Variants in TMEM8B observed in about 807,000 individuals in gnomAD.
TMEM8B encodes nasopharyngeal carcinoma expressed 6.
Under a neutral mutation model 49.3 loss-of-function variants are expected in TMEM8B, and 29 were observed. The observed-to-expected ratio is 0.59, with a 90% CI of 0.44 to 0.80. The LOEUF (loss-of-function observed/expected upper bound fraction) is 0.80, where lower values mean the gene tolerates loss of function less well. Ranked by LOEUF, TMEM8B falls within the 30% of genes least tolerant of loss-of-function variation. The pLI is 0.00. For synonymous variants in TMEM8B, 264 were observed against 272.8 expected, an observed-to-expected ratio of 0.97 and a Z score of 0.32; for missense variants, 575 against 658.5, an observed-to-expected ratio of 0.87 and a Z score of 1.39.
chr9:35,834,029 A>AAT (rs756547498), intron 1 of TMEM8B, among the ~76,000 whole-genome samples: 37 of 67,848 alleles, frequency 5.5e-4, no homozygotes, highest in African/African-American at 1.6e-3. Context: ...GCCATGCCAA[A>AAT]ATACACACAC....
In TMEM8B at chr9:35,829,591, C is replaced by T; in HGVS notation, c.144C>T (p.Ala48=). 1 of 399,826 alleles carries T rather than the reference C, an allele frequency of 2.5e-6. No homozygotes were observed. The highest frequency in any genetic ancestry group is 4.4e-5 in the Admixed American group (1 of 22,756). The allele number at this position is 399,826 out of a possible 1,614,324, so 24.8% of individuals were successfully genotyped here. Residue 48 remains alanine (A), a synonymous_variant, in exon 1 of 13, where the codon GCC becomes GCT. Coordinates refer to ENST00000643932, the MANE Select transcript of TMEM8B (RefSeq NM_001042590.4). The stretch of plus-strand genomic sequence containing the variant: ...CCCCCTTCCAGTCTCTGCCCCTGGC[C>T]TGGCCCCCATCCCGGCCTCGGCCCT... ...SRTPFQSLPL[A]WPPSRPRPSF... is the part of the protein sequence containing the mutation.
At chr9:35,849,966 C>T (rs1286862446) in intron 10 of TMEM8B, among the ~76,000 whole-genome samples, 1 of 152,234 alleles carries the variant, frequency 6.6e-6, no homozygotes, top group African/African-American at 2.4e-5. Context: ...GTGCAGGTGT[C>T]CTTGCTGATT....
At chr9:35,851,293 G>A (rs1311490758) in intron 10 of TMEM8B, among the ~76,000 whole-genome samples, 2 of 137,114 alleles carry the variant, frequency 1.5e-5, no homozygotes, top group East Asian at 2.3e-4. Context: ...ATAGGCACAC[G>A]CTACCGTGCC....
chr9:35,845,778 T>C (rs1054885525), intron 6 of TMEM8B, 197 bp from the exon 7 acceptor site: 2 of 985,290 alleles, frequency 2.0e-6, no homozygotes, highest in African/African-American at 3.5e-5. Context: ...CTTGAAAGAT[T>C]TCTGCTGTGG....
chr9:35,849,451 G>A (rs1279803383), intron 10 of TMEM8B, among the ~76,000 whole-genome samples: 3 of 152,250 alleles, frequency 2.0e-5, no homozygotes, highest in African/African-American at 7.2e-5. Context: ...AATATGTGCT[G>A]TTTCAGACAC....
intron 10 of TMEM8B, among the ~76,000 whole-genome samples, chr9:35,851,356 G>T (rs986629029): frequency 6.6e-6 from 1 of 152,010 alleles, no homozygotes; most frequent in Non-Finnish European, 1.5e-5. Flanking sequence ...TGTCGCCCAG[G>T]CTGGTCTTTA....
chr9:35,850,218 T>C (rs1217513966), intron 10 of TMEM8B, among the ~76,000 whole-genome samples: 1 of 152,246 alleles, frequency 6.6e-6, no homozygotes, highest in Non-Finnish European at 1.5e-5. Flanking sequence ...TTTGGAGCAT[T>C]AGATGCACTG....
intron 10 of TMEM8B, among the ~76,000 whole-genome samples, chr9:35,850,892 A>G (rs1359405946): frequency 6.6e-6 from 1 of 152,204 alleles, no homozygotes; most frequent in Non-Finnish European, 1.5e-5. Context: ...TTAAAATAAA[A>G]TCCAAGTCAT....
At chr9:35,837,270 G>A (rs140516020) in intron 3 of TMEM8B, among the ~76,000 whole-genome samples, 1 of 152,194 alleles carries the variant, frequency 6.6e-6, no homozygotes, top group African/African-American at 2.4e-5. Context: ...TTTGTGCCAG[G>A]CCTTGGGTTG....
chr9:35,830,005 G>T, intron 1 of TMEM8B, 50 bp downstream of exon 1: 1 of 414,686 alleles, frequency 2.4e-6, no homozygotes, highest in South Asian at 1.3e-4. Flanking sequence ...TTCCGGCAGG[G>T]AGGGGTGGGC....
rs370232891 is a variant in TMEM8B at position 35,829,474 on chromosome 9, C to T, written c.27C>T (p.Leu9=). The change falls in exon 1 of 13, where the codon CTC becomes CTT. Residue 9 remains leucine (L), a synonymous_variant. Coordinates refer to ENST00000643932, the MANE Select transcript of TMEM8B (RefSeq NM_001042590.4). MAQPLSRP[L]VLSQSPPWPP... is the part of the protein sequence containing the mutation. ...TGGCCCAGCCCTTGTCCCGGCCCCT[C>T]GTCCTATCCCAATCCCCGCCTTGGC... The T allele has an allele frequency of 5.4e-6, 2 of 368,292 alleles. No individual in the cohort carries two copies. Among genetic ancestry groups the T allele is most frequent in the East Asian group, 7.9e-5 (2 of 25,420 alleles). 22.8% of individuals were successfully genotyped at this position (368,292 alleles called of 1,614,324 possible).
At position 35,835,024 on chromosome 9, in the gene TMEM8B, G is replaced by A. The variant is rs1417974719; in HGVS notation, c.712G>A (p.Gly238Arg). 6 of 415,450 alleles carry A rather than the reference G, an allele frequency of 1.4e-5. No homozygotes were observed. Among genetic ancestry groups the A allele is most frequent in the African/African-American group, 4.1e-5 (2 of 48,582 alleles). The allele number at this position is 415,450 out of a possible 1,614,324, so 25.7% of individuals were successfully genotyped here. A position where few individuals can be genotyped will look rare whatever the true frequency, so the allele number is the denominator to read the frequency against. ...DQSVTVYFRS[G>R]APPVINPLHT... The stretch of plus-strand genomic sequence containing the variant: ...CTGGTCCCCCAGGTATTTCCGGTCC[G>A]GGGCACCCCCTGTCATCAATCCCCT... The change falls in exon 3 of 13, where the codon GGG becomes AGG. Residue 238 changes from glycine (G) to arginine (R), a missense_variant. By Grantham distance (125) the Gly-to-Arg change is moderately radical. Transcript: ENST00000643932.
Position 35,834,031 on chromosome 9 carries a change from T to TACACACACACACAC in TMEM8B, c.509-403_509-390dup, listed in dbSNP as rs377460934. 1.0e-3 allele frequency among the ~76,000 whole-genome samples: 139 copies of TACACACACACACAC among 138,396 alleles called. No homozygotes were observed. The Middle Eastern group carries it at 0.022, about 22-fold the overall frequency. 90.8% of individuals were successfully genotyped at this position (138,396 alleles called of 152,430 possible). The stretch of plus-strand genomic sequence containing the variant: ...AGTGGCTTAAGACGCCATGCCAAAA[T>TACACACACACACAC]ACACACACACACACACACACACACA... On this transcript the variant is annotated intron_variant, in intron 1 of 12. Transcript: ENST00000643932.
chr9:35,852,781 G>C, intron 10 of TMEM8B, 46 bp from the exon 11 acceptor site: 3 of 1,612,128 alleles, frequency 1.9e-6, no homozygotes, highest in Non-Finnish European at 1.7e-6. Context: ...TGTAGATCTG[G>C]ACCTCTGCCT....
In TMEM8B at chr9:35,829,318, A is replaced by G; in HGVS notation, c.-130A>G. 2.7e-6 allele frequency: 1 copy of G among 367,670 alleles called. No individual in the cohort carries two copies. The highest frequency in any genetic ancestry group is 4.6e-5 in the Admixed American group (1 of 21,638). The allele number at this position is 367,670 out of a possible 1,614,324, so 22.8% of individuals were successfully genotyped here. A position where few individuals can be genotyped will look rare whatever the true frequency, so the allele number is the denominator to read the frequency against. ...GTCGCCCAGGCCTGAACTCCTACCCAGGTCCCCGGCCCCCGCCCCGGGCCC... is the reference window on the plus strand; with the variant it reads ...GTCGCCCAGGCCTGAACTCCTACCCGGGTCCCCGGCCCCCGCCCCGGGCCC... On this transcript the variant is annotated 5_prime_UTR_variant, in exon 1 of 13. Transcript: ENST00000643932.
chr9:35,849,849 T>G (rs1831979213), intron 10 of TMEM8B, among the ~76,000 whole-genome samples: 1 of 152,240 alleles, frequency 6.6e-6, no homozygotes, highest in African/African-American at 2.4e-5. Context: ...ACATTTTAAT[T>G]GTGCAACTTG....
At position 35,846,051 on chromosome 9, in the gene TMEM8B, C is replaced by T; in HGVS notation, c.1712C>T (p.Ala571Val). 1.2e-6 allele frequency: 2 copies of T among 1,611,458 alleles called. No individual in the cohort carries two copies. Among genetic ancestry groups the T allele is most frequent in the South Asian group, 1.1e-5 (1 of 90,992 alleles). The change falls in exon 7 of 13, where the codon GCA (alanine) becomes GTA (valine). Residue 571 changes from alanine (A) to valine (V), a missense_variant. By Grantham distance (64) the Ala-to-Val change is moderately conservative. Coordinates refer to ENST00000643932, the MANE Select transcript of TMEM8B (RefSeq NM_001042590.4). ...GTGCCCTTGAGCCTGGGGGATGCAG[C>T]AGTGACCTGTTCCAAAGGTGAGGTG... ...HEVPLSLGDAAVTCSKESLAG... is the reference protein window; with the variant it reads ...HEVPLSLGDAVVTCSKESLAG...
chr9:35,844,309 C>G (rs1342824491), intron 6 of TMEM8B, among the ~76,000 whole-genome samples: 1 of 152,252 alleles, frequency 6.6e-6, no homozygotes, highest in African/African-American at 2.4e-5. Context: ...TTTTGTACTT[C>G]TTAGTCATTA....
At chr9:35,835,948 C>T (rs1040363558) in intron 3 of TMEM8B, among the ~76,000 whole-genome samples, 2 of 152,200 alleles carry the variant, frequency 1.3e-5, no homozygotes, top group African/African-American at 4.8e-5. Context: ...AGACAGGTCT[C>T]CTATTCCTGT....
Sources: gnomAD v4.1 joint callset for allele counts (sites outside exome capture counted in the v4.1 genomes callset) on GRCh38, gnomAD v4.1.1 for gene constraint, MANE v1.5 for transcripts, NCBI Gene and HGNC (gene_info 2026-07-23, HGNC 2026-07-21) for gene names.